The following AKAP6 variants were observed in gnomAD, a reference collection of about 807,000 sequenced individuals.
The protein encoded by AKAP6 is A-kinase anchor protein 6.
Under a neutral mutation model 188.5 loss-of-function variants are expected in AKAP6, and 58 were observed. That is an observed-to-expected ratio of 0.31 (90% CI 0.25 to 0.38). The LOEUF (loss-of-function observed/expected upper bound fraction) is 0.38. Among genes scored for constraint, AKAP6 ranks in the 10% least tolerant of loss-of-function variants. The pLI is 1.00. For missense variants in AKAP6, 2,710 were observed against 2,740.0 expected, an observed-to-expected ratio of 0.99 and a Z score of 0.24; for synonymous variants, 989 against 998.6, an observed-to-expected ratio of 0.99 and a Z score of 0.18.
At chr14:32,401,174 G>C (rs563397613) in intron 1 of AKAP6, among the ~76,000 whole-genome samples, 25 of 152,116 alleles carry the variant, frequency 1.6e-4, no homozygotes, top group South Asian at 4.1e-4. Context: ...AATCTCAGGG[G>C]AGCAGAGAAG....
In AKAP6 at chr14:32,796,697, C is replaced by T. The variant is rs373952432; in HGVS notation, c.3588+22804C>T. Among the ~76,000 whole-genome samples the T allele has an allele frequency of 1.1e-4, 17 of 152,182 alleles. No individual in the cohort carries two copies. The East Asian group carries it at 1.4e-3, about 12-fold the overall frequency. ...TAAAAACGCTAGGAGAAAATCTAGG[C>T]GATACCATTCAGGACATAGCCATAC... On this transcript the variant is annotated intron_variant, in intron 12 of 13. Transcript: ENST00000280979.
intron 2 of AKAP6, among the ~76,000 whole-genome samples, chr14:32,435,574 C>T (rs1890352342): frequency 6.6e-6 from 1 of 152,240 alleles, no homozygotes; most frequent in Non-Finnish European, 1.5e-5. Flanking sequence ...ACACCCACCT[C>T]CATCAGCTCC....
intron 9 of AKAP6, among the ~76,000 whole-genome samples, chr14:32,700,383 T>C (rs921728389): frequency 6.6e-6 from 1 of 152,146 alleles, no homozygotes; most frequent in Non-Finnish European, 1.5e-5. Flanking sequence ...GTGATTATTG[T>C]TATAATTAAA....
intron 2 of AKAP6, among the ~76,000 whole-genome samples, chr14:32,477,465 A>G (rs1448805505): frequency 5.9e-5 from 9 of 152,090 alleles, no homozygotes; most frequent in Admixed American, 5.9e-4. Context: ...CATAGAAGCA[A>G]CTGAAGAGGA....
chr14:32,434,028 T>C, intron 2 of AKAP6: 2 of 543,320 alleles, frequency 3.7e-6, no homozygotes, highest in Non-Finnish European at 6.4e-6. Context: ...ACAACTGGCC[T>C]TTGGTGATAG....
chr14:32,615,609 T>TC (rs1886541770), intron 7 of AKAP6, among the ~76,000 whole-genome samples: 3 of 146,678 alleles, frequency 2.0e-5, no homozygotes. Flanking sequence ...TTTTTTTTTT[T>TC]TTTTGAGACA....
At chr14:32,708,499 T>C (rs1890907640) in intron 9 of AKAP6, among the ~76,000 whole-genome samples, 1 of 152,034 alleles carries the variant, frequency 6.6e-6, no homozygotes, top group Non-Finnish European at 1.5e-5. Context: ...AATATGGAAA[T>C]TTAAAAATTA....
chr14:32,609,329 G>A, intron 7 of AKAP6, among the ~76,000 whole-genome samples: 1 of 152,160 alleles, frequency 6.6e-6, no homozygotes, highest in East Asian at 1.9e-4. Context: ...TGGTTGTGAT[G>A]CTGCCAGAGA....
At chr14:32,340,446 G>C (rs1436987505) in intron 1 of AKAP6, among the ~76,000 whole-genome samples, 1 of 152,102 alleles carries the variant, frequency 6.6e-6, no homozygotes, top group African/African-American at 2.4e-5. Flanking sequence ...TACTCTTCCT[G>C]AATCTTGGTT....
At chr14:32,439,196 AG>A (rs1388363288) in intron 2 of AKAP6, among the ~76,000 whole-genome samples, 4 of 152,208 alleles carry the variant, frequency 2.6e-5, no homozygotes, top group Non-Finnish European at 5.9e-5. Context: ...GGACATCTGA[AG>A]TTAATGCACA....
intron 12 of AKAP6, 137 bp from the exon 13 acceptor site, chr14:32,821,265 T>G: frequency 1.2e-6 from 1 of 855,674 alleles, no homozygotes; most frequent in East Asian, 2.6e-5. Flanking sequence ...GGAATAGAGT[T>G]GATAATTAGG....
chr14:32,444,065 A>G (rs1248036033), intron 2 of AKAP6, among the ~76,000 whole-genome samples: 1 of 152,236 alleles, frequency 6.6e-6, no homozygotes, highest in Non-Finnish European at 1.5e-5. Context: ...ACAAAAATTT[A>G]AAATGGCTCA....
At chr14:32,349,988 A>G (rs1172906977) in intron 1 of AKAP6, among the ~76,000 whole-genome samples, 2 of 152,226 alleles carry the variant, frequency 1.3e-5, no homozygotes, top group Non-Finnish European at 2.9e-5. Context: ...TAAAATAAAT[A>G]TACATGAGTG....
intron 5 of AKAP6, among the ~76,000 whole-genome samples, chr14:32,580,705 C>T (rs973373626): frequency 6.6e-6 from 1 of 151,702 alleles, no homozygotes; most frequent in African/African-American, 2.4e-5. Flanking sequence ...CCTCCCCACT[C>T]CCCCCACCCC....
At chr14:32,384,808 A>G (rs1888475407) in intron 1 of AKAP6, among the ~76,000 whole-genome samples, 1 of 152,072 alleles carries the variant, frequency 6.6e-6, no homozygotes, top group Non-Finnish European at 1.5e-5. Context: ...AGTGTACGTA[A>G]ATTCTGAAAA....
intron 12 of AKAP6, among the ~76,000 whole-genome samples, chr14:32,776,822 C>T (rs1225275815): frequency 2.0e-5 from 3 of 152,122 alleles, no homozygotes; most frequent in African/African-American, 7.2e-5. Flanking sequence ...CTCAAGGAGA[C>T]TGTCAGTCTC....
At chr14:32,586,157 G>T (rs1311010942) in intron 5 of AKAP6, among the ~76,000 whole-genome samples, 3 of 152,122 alleles carry the variant, frequency 2.0e-5, no homozygotes, top group African/African-American at 7.2e-5. Flanking sequence ...GGATATGCTG[G>T]TACAGGCAAG....
At chr14:32,595,467 C>T (rs536813164) in intron 5 of AKAP6, among the ~76,000 whole-genome samples, 135 of 152,246 alleles carry the variant, frequency 8.9e-4, no homozygotes, top group Non-Finnish European at 1.7e-3. Flanking sequence ...TCCCACAAAC[C>T]CTATCCAGCT....
At chr14:32,462,901 C>CAAAAAAAAAAAAA (rs71143943) in intron 2 of AKAP6, among the ~76,000 whole-genome samples, 6 of 8,834 alleles carry the variant, frequency 6.8e-4, no homozygotes, top group South Asian at 5.2e-3. Context: ...AAATGGAAAG[C>CAAAAAAAAAAAAA]AAAAAAAAAA....
Sources: gnomAD v4.1 joint callset for allele counts (sites outside exome capture counted in the v4.1 genomes callset) on GRCh38, gnomAD v4.1.1 for gene constraint, MANE v1.5 for transcripts, NCBI Gene and HGNC (gene_info 2026-07-23, HGNC 2026-07-21) for gene names.